Variants in WRN observed in about 807,000 individuals in gnomAD.
The protein encoded by WRN is WRN RecQ like helicase.
In WRN, 149 loss-of-function variants were observed where a neutral mutation model predicts 180.7. The observed-to-expected ratio is 0.82, with a 90% CI of 0.72 to 0.94. The LOEUF is 0.94. Among genes scored for constraint, WRN ranks in the 40% least tolerant of loss-of-function variants. WRN has a pLI of 0.00. For missense variants in WRN, 1,661 were observed against 1,700.1 expected (o/e 0.98, Z 0.40); for synonymous variants, 548 against 568.9 (o/e 0.96, Z 0.52).
chr8:31,128,292 A>G (rs1031048308), intron 23 of WRN, among the ~76,000 whole-genome samples: 8 of 152,164 alleles, frequency 5.3e-5, no homozygotes, highest in African/African-American at 1.4e-4. Flanking sequence ...ATCAGTATAC[A>G]TAGTATACTG....
intron 31 of WRN, among the ~76,000 whole-genome samples, chr8:31,152,393 A>T (rs1420863285): frequency 6.6e-6 from 1 of 152,098 alleles, no homozygotes; most frequent in Non-Finnish European, 1.5e-5. Context: ...TATTTATTTT[A>T]AAAAAATTCA....
At chr8:31,097,765 C>T (rs185718440) in intron 17 of WRN, among the ~76,000 whole-genome samples, 2 of 151,818 alleles carry the variant, frequency 1.3e-5, no homozygotes, top group Admixed American at 6.6e-5. Flanking sequence ...GGCAACAGAG[C>T]GAGACCATGC....
intron 20 of WRN, 88 bp from the exon 21 acceptor site, chr8:31,120,155 G>C: frequency 6.5e-7 from 1 of 1,528,720 alleles, no homozygotes. Flanking sequence ...TTAAGTTAAC[G>C]AACAAATTAT....
At chr8:31,154,834 T>G in intron 32 of WRN, 79 bp downstream of exon 32, 1 of 1,559,680 alleles carries the variant, frequency 6.4e-7, no homozygotes. Flanking sequence ...AGTATTAAAG[T>G]TCTGACTTGG....
intron 28 of WRN, among the ~76,000 whole-genome samples, chr8:31,144,018 C>T (rs1033690926): frequency 2.0e-5 from 3 of 152,156 alleles, no homozygotes; most frequent in Admixed American, 6.5e-5. Flanking sequence ...ATTTGTCTAC[C>T]TCTAGCATCA....
intron 10 of WRN, 90 bp from the exon 11 acceptor site, chr8:31,085,076 G>C (rs948155014): frequency 8.8e-5 from 106 of 1,200,450 alleles, no homozygotes; most frequent in Non-Finnish European, 1.2e-4. Context: ...GCTGTCTAAA[G>C]ATATCTAGTA....
Position 31,111,764 on chromosome 8 carries a change from C to G in WRN, c.2238C>G (p.Ile746Met), listed in dbSNP as rs764724926. The change falls in exon 19 of 35, where the codon ATC (isoleucine) becomes ATG (methionine). Residue 746 changes from isoleucine to methionine, a missense_variant. Physicochemically the swap from Ile to Met is conservative, Grantham distance 10. Around this residue, in one of 3 missense-constraint regions of WRN, gnomAD observed 1,141 missense variants for 1,149.4 expected, o/e 0.99. Coordinates refer to ENST00000298139, the MANE Select transcript of WRN (RefSeq NM_000553.6). ...YLEVRRKTGN[I>M]LQDLQPFLVK... is the part of the protein sequence containing the mutation. ...AAGTTAGGCGAAAAACAGGGAATAT[C>G]CTTCAGGATCTGCAGCCATTTCTTG... 1 of 1,613,920 alleles carries G rather than the reference C, an allele frequency of 6.2e-7. No individual in the cohort carries two copies. The highest frequency in any genetic ancestry group is 1.7e-5 in the Admixed American group (1 of 60,010).
chr8:31,152,200 A>G (rs1037661697), intron 31 of WRN, among the ~76,000 whole-genome samples: 1 of 152,020 alleles, frequency 6.6e-6, no homozygotes, highest in African/African-American at 2.4e-5. Context: ...ATGTGATCAA[A>G]TCGTATTCTA....
rs761240520 is a variant in WRN, at chr8:31,111,645, A to C, written c.2119A>C (p.Ser707Arg). ...AATCGTTGCACTTACTGCTACTGCAAGTTCTTCAATCCGGGAAGACATTGT... is the reference window on the plus strand; with the variant it reads ...AATCGTTGCACTTACTGCTACTGCACGTTCTTCAATCCGGGAAGACATTGT... The part of the protein sequence containing the change: ...VPIVALTATA[S>R]SSIREDIVRC... The change falls in exon 19 of 35, where the codon AGT (serine) becomes CGT (arginine). Residue 707 changes from serine (S) to arginine (R), a missense_variant. Ser to Arg is a moderately radical substitution (Grantham distance 110). This residue lies in a region of WRN where 1,141 missense variants were observed against 1,149.4 expected (regional missense o/e 0.99). Coordinates refer to ENST00000298139, the MANE Select transcript of WRN (RefSeq NM_000553.6). 1.9e-6 allele frequency: 3 copies of C among 1,613,942 alleles called. No homozygotes were observed. In the African/African-American group the frequency reaches 4.0e-5, roughly 22 times the overall value.
intron 19 of WRN, among the ~76,000 whole-genome samples, chr8:31,115,890 A>G (rs561234089): frequency 6.6e-6 from 1 of 152,318 alleles, no homozygotes; most frequent in African/African-American, 2.4e-5. Flanking sequence ...TCAATATTAT[A>G]AGAAAGCTCT....
chr8:31,057,347 G>C (rs1332277659), intron 1 of WRN, among the ~76,000 whole-genome samples: 1 of 151,994 alleles, frequency 6.6e-6, no homozygotes, highest in Non-Finnish European at 1.5e-5. Context: ...TGGGCGATCG[G>C]ATCACGAGGT....
intron 1 of WRN, among the ~76,000 whole-genome samples, chr8:31,038,598 C>T (rs903618518): frequency 6.6e-5 from 10 of 152,126 alleles, no homozygotes; most frequent in African/African-American, 2.4e-4. Flanking sequence ...CTTTTATTAC[C>T]TATGCTTTTG....
intron 33 of WRN, among the ~76,000 whole-genome samples, chr8:31,158,592 A>T (rs551781793): frequency 1.3e-5 from 2 of 152,278 alleles, no homozygotes; most frequent in East Asian, 3.9e-4. Flanking sequence ...TTACTACCTT[A>T]AAGTCTTTCC....
intron 9 of WRN, 106 bp downstream of exon 9, chr8:31,081,402 A>G: frequency 8.2e-7 from 1 of 1,218,586 alleles, no homozygotes; most frequent in Non-Finnish European, 1.2e-6. Context: ...TGGGACATAC[A>G]GTCTCTGTTG....
chr8:31,060,633 A>G (rs1812453947), intron 3 of WRN, among the ~76,000 whole-genome samples: 1 of 152,194 alleles, frequency 6.6e-6, no homozygotes, highest in Non-Finnish European at 1.5e-5. Flanking sequence ...ATAACATTCA[A>G]GTGTTTTTAC....
At chr8:31,061,154 T>C (rs1272726033) in intron 3 of WRN, among the ~76,000 whole-genome samples, 2 of 152,178 alleles carry the variant, frequency 1.3e-5, no homozygotes, top group Non-Finnish European at 2.9e-5. Context: ...AGTCTTTTCT[T>C]CTTTCTTCCT....
At chr8:31,042,645 T>C (rs1811703154) in intron 1 of WRN, among the ~76,000 whole-genome samples, 1 of 152,234 alleles carries the variant, frequency 6.6e-6, no homozygotes, top group Non-Finnish European at 1.5e-5. Context: ...CTCTTGGCTT[T>C]CTGTGTGGGC....
At chr8:31,049,265 T>G (rs1364914427) in intron 1 of WRN, among the ~76,000 whole-genome samples, 1 of 138,842 alleles carries the variant, frequency 7.2e-6, no homozygotes, top group African/African-American at 2.6e-5. Context: ...GCAAGGTAGC[T>G]CACGCCTGTA....
In WRN at chr8:31,091,442, T is replaced by C. The variant is rs190910398; in HGVS notation, c.1830-388T>C. On this transcript the variant is annotated intron_variant, in intron 15 of 34. Transcript: ENST00000298139. The stretch of plus-strand genomic sequence containing the variant: ...ATTTGTTCATCAACTTGAACATTTA[T>C]CATTTCTTTGTGCTGGGAACATTTC... Among the ~76,000 whole-genome samples the C allele has an allele frequency of 2.6e-3, 391 of 152,234 alleles. 1 individual carries two copies. The highest frequency in any genetic ancestry group is 3.0e-3 in the Non-Finnish European group (207 of 67,966).
Sources: gnomAD v4.1 joint callset for allele counts (sites outside exome capture counted in the v4.1 genomes callset) on GRCh38, gnomAD v4.1.1 for gene constraint, gnomAD v4.1.1 regional missense constraint, MANE v1.5 for transcripts, NCBI Gene and HGNC (gene_info 2026-07-23, HGNC 2026-07-21) for gene names.